The following CWH43 variants were observed in gnomAD, a reference collection of about 807,000 sequenced individuals.
CWH43 encodes PGAP2-interacting protein.
In CWH43, 91 loss-of-function variants were observed where a neutral mutation model predicts 85.7. The observed-to-expected ratio is 1.06, with a 90% CI of 0.90 to 1.26. The LOEUF is 1.26. CWH43 is among the 50% of genes most tolerant of loss of function. The pLI is 0.00. For synonymous variants in CWH43, 323 were observed against 293.6 expected, an observed-to-expected ratio of 1.10 and a Z score of -1.02; for missense variants, 869 against 839.2, an observed-to-expected ratio of 1.04 and a Z score of -0.44.
At chr4:49,057,709 G>C (rs143850586) in intron 15 of CWH43, among the ~76,000 whole-genome samples, 4 of 152,248 alleles carry the variant, frequency 2.6e-5, no homozygotes, top group African/African-American at 9.6e-5. Flanking sequence ...TTGGAAGTGG[G>C]TTATTGGAGT....
rs145313548 is a variant in CWH43, at chr4:48,989,474, A to G, written c.235+806A>G. Among the ~76,000 whole-genome samples the G allele has an allele frequency of 8.2e-3, 1,245 of 152,364 alleles. 13 individuals carry two copies. Among genetic ancestry groups the G allele is most frequent in the African/African-American group, 0.024 (1,014 of 41,588 alleles). On this transcript the variant is annotated intron_variant, in intron 2 of 15. Transcript: ENST00000226432. ...CCAGAAATTCCACTTCTAGGAATAT[A>G]TCCTACAGATATACTCACAGTCATG... is the stretch of plus-strand genomic sequence containing the variant.
chr4:48,999,767 C>T (rs2109755048), intron 6 of CWH43, among the ~76,000 whole-genome samples: 1 of 152,264 alleles, frequency 6.6e-6, no homozygotes, highest in Admixed American at 6.5e-5. Flanking sequence ...GCTCCATTTC[C>T]CTTTCTCCTT....
intron 8 of CWH43, among the ~76,000 whole-genome samples, chr4:49,009,994 A>G (rs1175689554): frequency 1.3e-5 from 2 of 152,194 alleles, no homozygotes; most frequent in African/African-American, 4.8e-5. Flanking sequence ...GTCTCATAAA[A>G]TGAGTTAGGG....
intron 8 of CWH43, among the ~76,000 whole-genome samples, chr4:49,012,181 C>T (rs1357047142): frequency 6.6e-6 from 1 of 152,160 alleles, no homozygotes; most frequent in Non-Finnish European, 1.5e-5. Flanking sequence ...TCTTTTCACT[C>T]TTTTTTCTCT....
At position 48,998,510 on chromosome 4, in the gene CWH43, TGTGGTTTC is replaced by T. The variant is rs1560487339; in HGVS notation, c.770_777del (p.Phe257TyrfsTer48). 4 of 1,614,022 alleles carry T rather than the reference TGTGGTTTC, an allele frequency of 2.5e-6. No homozygotes were observed. Among genetic ancestry groups the T allele is most frequent in the Non-Finnish European group, 3.4e-6 (4 of 1,179,898 alleles). On this transcript the variant is annotated frameshift_variant, in exon 6 of 16. Transcript: ENST00000226432. LOFTEE classifies it high-confidence loss of function. ...AGTGGATTGATGCTTCCATCTTGTT[TGTGGTTTC>T]GTGGTACTGGTTTGATCTGGTGGGT...
intron 8 of CWH43, among the ~76,000 whole-genome samples, chr4:49,015,834 T>A (rs1167978118): frequency 3.3e-5 from 5 of 152,178 alleles, no homozygotes; most frequent in African/African-American, 1.2e-4. Flanking sequence ...ATCTTTTTAT[T>A]TCTAGAACTC....
chr4:49,015,952 G>T (rs1409479675), intron 8 of CWH43, among the ~76,000 whole-genome samples: 1 of 151,972 alleles, frequency 6.6e-6, no homozygotes, highest in African/African-American at 2.4e-5. Flanking sequence ...AAGCATACTT[G>T]TTTTATATTC....
intron 13 of CWH43, among the ~76,000 whole-genome samples, chr4:49,041,815 A>G (rs1226958647): frequency 6.6e-6 from 1 of 152,180 alleles, no homozygotes; most frequent in East Asian, 1.9e-4. Flanking sequence ...GGCCAAGAGC[A>G]TATGCCAGTT....
intron 8 of CWH43, among the ~76,000 whole-genome samples, chr4:49,016,148 T>C (rs1783534657): frequency 6.6e-6 from 1 of 152,218 alleles, no homozygotes. Flanking sequence ...GAGTGGTTGA[T>C]GTACACATGT....
At chr4:48,994,337 C>T (rs1272028039) in intron 4 of CWH43, among the ~76,000 whole-genome samples, 1 of 152,208 alleles carries the variant, frequency 6.6e-6, no homozygotes, top group Non-Finnish European at 1.5e-5. Flanking sequence ...AATGCGTTAG[C>T]TTCACATGAA....
At position 49,023,613 on chromosome 4, in the gene CWH43, G is replaced by A. The variant is rs564427522; in HGVS notation, c.1267-5016G>A. Reference sequence around the variant, plus strand: ...GCTGGTCTTGAACTCCTGACCTCAGGTGATCCACCTGCCTTGGCCTCCAAA... The same window carrying A: ...GCTGGTCTTGAACTCCTGACCTCAGATGATCCACCTGCCTTGGCCTCCAAA... On this transcript the variant is annotated intron_variant, in intron 9 of 15. Transcript: ENST00000226432. 5.9e-5 allele frequency among the ~76,000 whole-genome samples: 9 copies of A among 152,296 alleles called. No homozygotes were observed. In the East Asian group the frequency reaches 9.7e-4, roughly 16 times the overall value.
chr4:48,988,474 TAG>T lies in CWH43; in HGVS notation c.44-2_44-1del. 2 of 1,548,502 alleles carry T rather than the reference TAG, an allele frequency of 1.3e-6. No homozygotes were observed. The highest frequency in any genetic ancestry group is 2.2e-5 in the Admixed American group (1 of 45,784). ...CTCTCTTTAACTTTTTTTTTTTTTG[TAG>T]GATGTGTTTCTTGGTCTCTCTACCA... On this transcript the variant is annotated splice_acceptor_variant, in intron 1 of 15. Transcript: ENST00000226432. LOFTEE classifies it high-confidence loss of function.
chr4:49,022,718 T>C (rs1165058265), intron 9 of CWH43, among the ~76,000 whole-genome samples: 2 of 152,180 alleles, frequency 1.3e-5, no homozygotes, highest in East Asian at 3.8e-4. Flanking sequence ...GCCATTTCAA[T>C]CTGGCTGCTT....
rs771089511 is a variant in CWH43, at chr4:48,991,972, T to C, written c.393T>C (p.Ile131=). The C allele has an allele frequency of 2.5e-5, 40 of 1,613,666 alleles. No individual in the cohort carries two copies. Among genetic ancestry groups the C allele is most frequent in the Non-Finnish European group, 3.2e-5 (38 of 1,179,882 alleles). The stretch of plus-strand genomic sequence containing the variant: ...TTTGGGGATTCATTTTAGGACAGAT[T>C]GTTCTTGTTGTTCTACGCATATGGT... ...LRIWGFILGQ[I]VLVVLRIWYT... is the part of the protein sequence containing the mutation. Residue 131 remains isoleucine, a synonymous_variant, in exon 4 of 16, where the codon ATT becomes ATC. Coordinates refer to ENST00000226432, the MANE Select transcript of CWH43 (RefSeq NM_025087.3).
intron 15 of CWH43, among the ~76,000 whole-genome samples, chr4:49,056,603 CA>C (rs1213506636): frequency 6.6e-6 from 1 of 151,716 alleles, no homozygotes; most frequent in Admixed American, 6.6e-5. Flanking sequence ...TTTATCTTTT[CA>C]AAAAACCAAC....
intron 6 of CWH43, among the ~76,000 whole-genome samples, chr4:49,003,352 C>T (rs1783053175): frequency 6.6e-6 from 1 of 152,104 alleles, no homozygotes; most frequent in South Asian, 2.1e-4. Flanking sequence ...CACACTCTAC[C>T]TGTTTTCTAA....
intron 12 of CWH43, among the ~76,000 whole-genome samples, chr4:49,033,425 C>T (rs1486140239): frequency 6.6e-6 from 1 of 152,118 alleles, no homozygotes; most frequent in African/African-American, 2.4e-5. Flanking sequence ...GGTGGGCCTA[C>T]CCTGCTTGCC....
intron 9 of CWH43, among the ~76,000 whole-genome samples, chr4:49,023,882 G>A (rs190382394): frequency 3.7e-4 from 56 of 152,214 alleles, no homozygotes; most frequent in African/African-American, 1.3e-3. Flanking sequence ...CTAGGGTATT[G>A]TTTAAGTGTT....
At chr4:49,049,350 T>C (rs1232783374) in intron 14 of CWH43, among the ~76,000 whole-genome samples, 1 of 152,114 alleles carries the variant, frequency 6.6e-6, no homozygotes, top group East Asian at 1.9e-4. Context: ...TTTAAGTTTT[T>C]CTCTTCTCCT....
Sources: gnomAD v4.1 joint callset for allele counts (sites outside exome capture counted in the v4.1 genomes callset) on GRCh38, gnomAD v4.1.1 for gene constraint, MANE v1.5 for transcripts, NCBI Gene and HGNC (gene_info 2026-07-23, HGNC 2026-07-21) for gene names.